Variants in CHSY3 observed in about 807,000 individuals in gnomAD.
CHSY3 encodes the protein N-acetylgalactosaminyl-proteoglycan 3-beta-glucuronosyltransferase 3.
CHSY3 carries 35 observed loss-of-function variants against 67.2 expected under a neutral mutation model. That is an observed-to-expected ratio of 0.52 (90% CI 0.40 to 0.69). The LOEUF is 0.69. Among genes scored for constraint, CHSY3 ranks in the 30% least tolerant of loss-of-function variants. The probability of loss-of-function intolerance (pLI) is 0.00; values close to 1 mark genes in which losing one functional copy is unlikely to be tolerated. For synonymous variants in CHSY3, 474 were observed against 434.7 expected (o/e 1.09, Z -1.12); for missense variants, 1,069 against 1,138.5 (o/e 0.94, Z 0.88).
chr5:129,909,243 T>C (rs569489683), intron 2 of CHSY3, among the ~76,000 whole-genome samples: 2 of 152,270 alleles, frequency 1.3e-5, no homozygotes, highest in South Asian at 2.1e-4. Context: ...GTTTTTAGTA[T>C]AGTTTGGTTT....
At chr5:130,128,284 G>T (rs529641046) in intron 2 of CHSY3, among the ~76,000 whole-genome samples, 8 of 150,006 alleles carry the variant, frequency 5.3e-5, no homozygotes, top group African/African-American at 1.5e-4. Context: ...GCACATCTAC[G>T]CATATATACA....
rs1764247903 is a variant in CHSY3, at chr5:130,017,462, G to A, written c.1086+109102G>A. ...GTGTGGTGGTGGGATGGAGGGGTCTGGGGTAGGGAAGGCTGGGGTAGCGTA... is the reference window on the plus strand; with the variant it reads ...GTGTGGTGGTGGGATGGAGGGGTCTAGGGTAGGGAAGGCTGGGGTAGCGTA... On this transcript the variant is annotated intron_variant, in intron 2 of 2. Transcript: ENST00000305031. Among the ~76,000 whole-genome samples the A allele has an allele frequency of 2.0e-5, 3 of 152,078 alleles. No homozygotes were observed. In the South Asian group the frequency reaches 6.2e-4, roughly 32 times the overall value.
chr5:130,078,710 C>T (rs959540854), intron 2 of CHSY3, among the ~76,000 whole-genome samples: 5 of 152,086 alleles, frequency 3.3e-5, no homozygotes, highest in Admixed American at 6.6e-5. Context: ...ATACAAAGTG[C>T]CAAAATAAAT....
At chr5:129,999,149 G>T (rs1763643722) in intron 2 of CHSY3, among the ~76,000 whole-genome samples, 2 of 139,688 alleles carry the variant, frequency 1.4e-5, no homozygotes, top group Non-Finnish European at 3.1e-5. Context: ...TTTCCTGTGT[G>T]GCTAGCTATT....
intron 2 of CHSY3, among the ~76,000 whole-genome samples, chr5:130,021,553 C>A (rs553447473): frequency 6.6e-6 from 1 of 150,626 alleles, no homozygotes; most frequent in Non-Finnish European, 1.5e-5. Context: ...GTTCACACAA[C>A]CTGTTTTTCT....
Position 129,908,198 on chromosome 5 carries a change from C to T in CHSY3, c.924C>T (p.Phe308=). 6.2e-7 allele frequency: 1 copy of T among 1,614,158 alleles called. No homozygotes were observed. Among genetic ancestry groups the T allele is most frequent in the Non-Finnish European group, 8.5e-7 (1 of 1,180,040 alleles). The change falls in exon 2 of 3, where the codon TTC becomes TTT. Residue 308 remains phenylalanine, a synonymous_variant. Coordinates refer to ENST00000305031, the MANE Select transcript of CHSY3 (RefSeq NM_175856.5). Reference sequence around the variant, plus strand: ...TGGGACTGGAGCCTGGGGAAAACTTCTGTATGGGAGGACCTGGCATGATCT... The same window carrying T: ...TGGGACTGGAGCCTGGGGAAAACTTTTGTATGGGAGGACCTGGCATGATCT... ...GKLGLEPGEN[F]CMGGPGMIFS... is the part of the protein sequence containing the mutation.
At chr5:129,981,768 C>A (rs1762992167) in intron 2 of CHSY3, among the ~76,000 whole-genome samples, 1 of 152,078 alleles carries the variant, frequency 6.6e-6, no homozygotes, top group South Asian at 2.1e-4. Context: ...GAGGGGATAT[C>A]CTTGCCCTGA....
chr5:129,978,303 A>G (rs1228521920), intron 2 of CHSY3, among the ~76,000 whole-genome samples: 1 of 152,184 alleles, frequency 6.6e-6, no homozygotes, highest in Non-Finnish European at 1.5e-5. Context: ...TTAAAATATG[A>G]TTCACTTTAG....
intron 2 of CHSY3, among the ~76,000 whole-genome samples, chr5:130,068,627 A>T (rs1160616479): frequency 1.3e-5 from 2 of 152,160 alleles, no homozygotes; most frequent in Admixed American, 1.3e-4. Context: ...AGAAAATATG[A>T]AGCAAGTTCA....
At chr5:130,143,811 T>C (rs1415516858) in intron 2 of CHSY3, among the ~76,000 whole-genome samples, 495 of 24,900 alleles carry the variant, frequency 0.02, 14 homozygotes, top group East Asian at 0.14. Flanking sequence ...TATATGTGTG[T>C]ATATATATAT....
chr5:130,150,681 G>A (rs905311708), intron 2 of CHSY3, among the ~76,000 whole-genome samples: 2 of 152,156 alleles, frequency 1.3e-5, no homozygotes, highest in African/African-American at 4.8e-5. Flanking sequence ...TATGTTAAGT[G>A]TGCTAACTTA....
intron 2 of CHSY3, among the ~76,000 whole-genome samples, chr5:129,986,393 A>T (rs1412957183): frequency 6.6e-6 from 1 of 152,074 alleles, no homozygotes; most frequent in East Asian, 1.9e-4. Flanking sequence ...TATGTGGTGG[A>T]TTAGCTTTTT....
chr5:130,006,750 T>G (rs1169047772), intron 2 of CHSY3, among the ~76,000 whole-genome samples: 2 of 152,186 alleles, frequency 1.3e-5, no homozygotes, highest in Non-Finnish European at 2.9e-5. Context: ...ATTTAATACA[T>G]TTATTTTCAG....
chr5:130,146,465 T>C (rs6883361), intron 2 of CHSY3, among the ~76,000 whole-genome samples: 136,281 of 152,144 alleles, frequency 0.9, 61,200 homozygotes, highest in East Asian at 1. Context: ...GGAAGGGAGA[T>C]GAAGGGGGAG....
intron 2 of CHSY3, among the ~76,000 whole-genome samples, chr5:129,936,295 GTTAAT>G (rs1254289237): frequency 6.6e-6 from 1 of 152,164 alleles, no homozygotes; most frequent in African/African-American, 2.4e-5. Context: ...AACACCTCTG[GTTAAT>G]TTATATAGAA....
intron 2 of CHSY3, among the ~76,000 whole-genome samples, chr5:130,150,201 TACAC>T (rs1321563910): frequency 6.6e-6 from 1 of 152,144 alleles, no homozygotes; most frequent in African/African-American, 2.4e-5. Context: ...AAACAGAAGA[TACAC>T]ACTGTATTCC....
rs779959676 is a variant in CHSY3 at position 130,184,766 on chromosome 5, C to T, written c.1624C>T (p.Leu542Phe). The change falls in exon 3 of 3, where the codon CTC (leucine) becomes TTC (phenylalanine). Residue 542 changes from leucine to phenylalanine, a missense_variant. Coordinates refer to ENST00000305031, the MANE Select transcript of CHSY3 (RefSeq NM_175856.5). ...CGGGGTGGAGTACATTTTGGATTTA[C>T]TCCTTTTATACAAAAGACACAAGGG... ...MHGVEYILDL[L>F]LLYKRHKGRK... is the part of the protein sequence containing the mutation. 12 of 1,600,412 alleles carry T rather than the reference C, an allele frequency of 7.5e-6. No individual in the cohort carries two copies. Among genetic ancestry groups the T allele is most frequent in the South Asian group, 3.3e-5 (3 of 90,804 alleles).
At chr5:129,933,463 C>A (rs2149590091) in intron 2 of CHSY3, among the ~76,000 whole-genome samples, 1 of 151,550 alleles carries the variant, frequency 6.6e-6, no homozygotes, top group African/African-American at 2.4e-5. Context: ...ATTTTAATAA[C>A]AAATTTCTAA....
At chr5:129,985,576 G>A (rs189120800) in intron 2 of CHSY3, among the ~76,000 whole-genome samples, 12 of 152,106 alleles carry the variant, frequency 7.9e-5, no homozygotes, top group Admixed American at 7.9e-4. Context: ...GTCATTGGTA[G>A]TTTGATAGGA....
Sources: allele counts gnomAD v4.1 joint callset (sites outside exome capture counted in the v4.1 genomes callset), GRCh38; gene constraint gnomAD v4.1.1; transcripts MANE v1.5; gene names NCBI Gene and HGNC (gene_info 2026-07-23, HGNC 2026-07-21).